Variants in POLD2 observed in about 807,000 individuals in gnomAD.
POLD2 encodes the protein DNA polymerase delta subunit 2.
Under a neutral mutation model 48.8 loss-of-function variants are expected in POLD2, and 31 were observed. That is an observed-to-expected ratio of 0.64 (90% CI 0.48 to 0.86). The LOEUF (loss-of-function observed/expected upper bound fraction) is 0.86, where lower values mean the gene tolerates loss of function less well. POLD2 is among the 40% of genes least tolerant of loss of function. The pLI is 0.00. For missense variants in POLD2, 455 were observed against 610.1 expected, an observed-to-expected ratio of 0.75 and a Z score of 2.68; for synonymous variants, 233 against 256.3, an observed-to-expected ratio of 0.91 and a Z score of 0.87.
chr7:44,117,546 T>G, intron 4 of POLD2, 73 bp downstream of exon 4: 2 of 1,414,004 alleles, frequency 1.4e-6, no homozygotes, highest in Non-Finnish European at 1.9e-6. Context: ...GGCTCCCCAC[T>G]CACACCATCC....
In POLD2 at chr7:44,121,921, T is replaced by C; in HGVS notation, c.133A>G (p.Ser45Gly). 3 of 1,613,826 alleles carry C rather than the reference T, an allele frequency of 1.9e-6. No individual in the cohort carries two copies. The highest frequency in any genetic ancestry group is 2.5e-6 in the Non-Finnish European group (3 of 1,180,032). The part of the protein sequence containing the change: ...SSQPFRLGER[S>G]FSRQYAHIYA... ...ATGTGGGCATACTGCCGGCTAAAGC[T>C]GCGCTCTCCTAGCCGGAAGGGTTGT... Residue 45 changes from serine to glycine, a missense_variant, in exon 2 of 11, where the codon AGC (serine) becomes GGC (glycine). By Grantham distance (56) the Ser-to-Gly change is moderately conservative (BLOSUM62 0). Around this residue, in one of 3 missense-constraint regions of POLD2, gnomAD observed 349 missense variants for 437.4 expected, o/e 0.80. Transcript: ENST00000610533. This position sits in a 1 kb window ranked among gnomAD's most constrained non-coding sequence, Gnocchi z 4.5.
chr7:44,123,285 C>T, intron 1 of POLD2: 1 of 1,362,732 alleles, frequency 7.3e-7, no homozygotes, highest in Non-Finnish European at 9.4e-7. Flanking sequence ...TCGTTAGGAG[C>T]TTTTGGCTCG....
intron 2 of POLD2, among the ~76,000 whole-genome samples, chr7:44,118,956 C>T (rs2096244685): frequency 6.6e-6 from 1 of 152,100 alleles, no homozygotes; most frequent in South Asian, 2.1e-4. Flanking sequence ...CTCAACACAG[C>T]CCTGTCCCAC....
At chr7:44,122,359 C>T in intron 1 of POLD2, 1 of 1,280,140 alleles carries the variant, frequency 7.8e-7, no homozygotes, top group Non-Finnish European at 9.9e-7. Context: ...GAACCCTAGA[C>T]TCAGGTGTCC....
In POLD2 at chr7:44,118,017, TCTC is replaced by T. The variant is rs752633174; in HGVS notation, c.265_267del (p.Glu89del). On this transcript the variant is annotated inframe_deletion, in exon 3 of 11. Coordinates refer to ENST00000610533, the MANE Select transcript of POLD2 (RefSeq NM_006230.4). ...AACAGAGTGCCCACCACACAGCACT[TCTC>T]CTCAGGCTGCAGTTCACACAGCTTC... The T allele has an allele frequency of 3.7e-6, 6 of 1,614,080 alleles. No individual in the cohort carries two copies. In the Admixed American group the frequency reaches 1.0e-4, roughly 27 times the overall value.
chr7:44,116,719 A>G lies in POLD2; in HGVS notation c.780+98T>C. 7.3e-7 allele frequency: 1 copy of G among 1,363,248 alleles called. No homozygotes were observed. The highest frequency in any genetic ancestry group is 1.0e-6 in the Non-Finnish European group (1 of 973,602). The allele number at this position is 1,363,248 out of a possible 1,614,324, so 84.4% of individuals were successfully genotyped here. A position where few individuals can be genotyped will look rare whatever the true frequency, so the allele number is the denominator to read the frequency against. On this transcript the variant is annotated intron_variant, in intron 6 of 10. Coordinates refer to ENST00000610533, the MANE Select transcript of POLD2 (RefSeq NM_006230.4). The surrounding 1 kb of genome is among the most constrained non-coding windows in gnomAD (Gnocchi z 6.1). ...GCAGGGCGCTTCCCACCGACCTGCG[A>G]GACCTCACAGGGTACCCTACTCGCC... is the stretch of plus-strand genomic sequence containing the variant.
In POLD2 at chr7:44,117,713, A is replaced by G. The variant is rs1484268994; in HGVS notation, c.372T>C (p.Ser124=). 3 of 1,613,346 alleles carry G rather than the reference A, an allele frequency of 1.9e-6. No individual in the cohort carries two copies. In the Admixed American group the frequency reaches 5.0e-5, roughly 27 times the overall value. Residue 124 remains serine, a synonymous_variant, in exon 4 of 11, where the codon AGT becomes AGC. Transcript: ENST00000610533. ...GCTCGTCATCTGGGTGTATGTATTT[A>G]CTCCGAGGAGGCTGGGGGAGCAGGT... ...EHNLLPQPPR[S]KYIHPDDELV... is the part of the protein sequence containing the mutation.
In POLD2 at chr7:44,117,210, G is replaced by A. The variant is rs779418242; in HGVS notation, c.504C>T (p.Asp168=). The A allele has an allele frequency of 1.1e-5, 18 of 1,613,890 alleles. No individual in the cohort carries two copies. The highest frequency in any genetic ancestry group is 5.0e-5 in the Admixed American group (3 of 59,986). ...VLAVFGSVRD[D]GKFLVEDYCF... is the part of the protein sequence containing the mutation. ...AATAGTCCTCCACCAGAAACTTCCCGTCGTCTCTCACGGAGCCAAACACAG... is the reference window on the plus strand; with the variant it reads ...AATAGTCCTCCACCAGAAACTTCCCATCGTCTCTCACGGAGCCAAACACAG... Residue 168 remains aspartate (D), a synonymous_variant, in exon 5 of 11, where the codon GAC becomes GAT. Transcript: ENST00000610533.
At chr7:44,123,488 C>A (rs1192836016) in intron 1 of POLD2, 23 bp downstream of exon 1, 1 of 1,496,962 alleles carries the variant, frequency 6.7e-7, no homozygotes, top group South Asian at 1.2e-5. Context: ...CCAGCTGACC[C>A]CGTTTCCCTG....
Position 44,117,130 on chromosome 7 carries a change from C to T in POLD2, c.581+3G>A, listed in dbSNP as rs909142034. On this transcript the variant is annotated splice_donor_region_variant and intron_variant, in intron 5 of 10. Transcript: ENST00000610533. ...GTTCCAGCTCCCGAGAACTGCTGCT[C>T]ACCTATCTGTGTCAAGTGGGGGTGC... 3.1e-6 allele frequency: 5 copies of T among 1,613,168 alleles called. No individual in the cohort carries two copies. Among genetic ancestry groups the T allele is most frequent in the Admixed American group, 1.7e-5 (1 of 59,982 alleles).
At chr7:44,122,503 T>C (rs2096249636) in intron 1 of POLD2, 1 of 981,204 alleles carries the variant, frequency 1.0e-6, no homozygotes, top group African/African-American at 1.7e-5. Context: ...TAAATAAAAC[T>C]TCTGTGAAAT....
chr7:44,116,589 G>T lies in POLD2; in HGVS notation c.781-79C>A. On this transcript the variant is annotated intron_variant, in intron 6 of 10. Coordinates refer to ENST00000610533, the MANE Select transcript of POLD2 (RefSeq NM_006230.4). The surrounding 1 kb of genome is among the most constrained non-coding windows in gnomAD (Gnocchi z 6.1). ...GAGAGTAGAGCCCCACCAGCTGGAA[G>T]ATGCAGTTGTTGTCCCATAGACCCT... The T allele has an allele frequency of 8.2e-7, 1 of 1,223,782 alleles. No homozygotes were observed. The allele number at this position is 1,223,782 out of a possible 1,614,324, so 75.8% of individuals were successfully genotyped here. A position where few individuals can be genotyped will look rare whatever the true frequency, so the allele number is the denominator to read the frequency against.
Position 44,118,051 on chromosome 7 carries a change from T to G in POLD2, c.234A>C (p.Gly78=), listed in dbSNP as rs773307628. ...RAQQHWGSGV[G]VKKLCELQPE... is the part of the protein sequence containing the mutation. ...GCTGCAGTTCACACAGCTTCTTCAC[T>G]CCCACTCCACTGCCTGGGACACGAG... Residue 78 remains glycine (G), a synonymous_variant, in exon 3 of 11, where the codon GGA becomes GGC. Coordinates refer to ENST00000610533, the MANE Select transcript of POLD2 (RefSeq NM_006230.4). 21 of 1,613,912 alleles carry G rather than the reference T, an allele frequency of 1.3e-5. No homozygotes were observed. In the South Asian group the frequency reaches 1.8e-4, roughly 14 times the overall value.
rs2096248308 is a variant in POLD2 at position 44,121,659 on chromosome 7, ATTAC to A, written c.220+171_220+174del. On this transcript the variant is annotated intron_variant, in intron 2 of 10. Transcript: ENST00000610533. The surrounding 1 kb of genome is among the most constrained non-coding windows in gnomAD (Gnocchi z 4.5). Reference sequence around the variant, plus strand: ...ACTAAAACTAACTCCAAACCCACAAATTACTTAATTTAATCCTTGTTACTATCTT... The same window carrying A: ...ACTAAAACTAACTCCAAACCCACAAATTAATTTAATCCTTGTTACTATCTT... Among the ~76,000 whole-genome samples, 1 of 152,184 alleles carries A rather than the reference ATTAC, an allele frequency of 6.6e-6. No individual in the cohort carries two copies. Among genetic ancestry groups the A allele is most frequent in the African/African-American group, 2.4e-5 (1 of 41,440 alleles).
rs1255028172 is a variant in POLD2 at position 44,118,067 on chromosome 7, G to C, written c.221-3C>G. ...CTTCTTCACTCCCACTCCACTGCCT[G>C]GGACACGAGGGGTACAGACTCAGAG... On this transcript the variant is annotated splice_region_variant and splice_polypyrimidine_tract_variant and intron_variant, in intron 2 of 10. Coordinates refer to ENST00000610533, the MANE Select transcript of POLD2 (RefSeq NM_006230.4). 1 of 1,613,850 alleles carries C rather than the reference G, an allele frequency of 6.2e-7. No homozygotes were observed. Among genetic ancestry groups the C allele is most frequent in the Non-Finnish European group, 8.5e-7 (1 of 1,179,910 alleles).
At chr7:44,118,512 TTC>T (rs2096243823) in intron 2 of POLD2, among the ~76,000 whole-genome samples, 1 of 152,120 alleles carries the variant, frequency 6.6e-6, no homozygotes, top group African/African-American at 2.4e-5. Flanking sequence ...TTATTGTTGT[TTC>T]TGTTTTTGTT....
intron 1 of POLD2, 194 bp downstream of exon 1, chr7:44,123,317 A>C (rs771053613): frequency 7.3e-7 from 1 of 1,365,446 alleles, no homozygotes; most frequent in African/African-American, 1.5e-5. Context: ...TGGCGGCAGC[A>C]GCCAGGCCGC....
At chr7:44,120,126 C>T (rs1299583460) in intron 2 of POLD2, among the ~76,000 whole-genome samples, 1 of 152,220 alleles carries the variant, frequency 6.6e-6, no homozygotes, top group Non-Finnish European at 1.5e-5. Flanking sequence ...TGTAGGTATT[C>T]AGGGTGGGGG....
intron 10 of POLD2, 45 bp from the exon 11 acceptor site, chr7:44,114,990 C>A: frequency 1.3e-6 from 2 of 1,539,142 alleles, no homozygotes; most frequent in East Asian, 2.3e-5. Flanking sequence ...CCAAGTAAGT[C>A]CTGCCTCAAA....
Sources: gnomAD v4.1 joint callset for allele counts (sites outside exome capture counted in the v4.1 genomes callset) on GRCh38, gnomAD v4.1.1 for gene constraint, gnomAD v4.1.1 regional missense constraint, Gnocchi (gnomAD v3.1) non-coding constraint, MANE v1.5 for transcripts, NCBI Gene and HGNC (gene_info 2026-07-23, HGNC 2026-07-21) for gene names.